CCDC97: variants seen among roughly 807,000 people sequenced by gnomAD.
The protein encoded by CCDC97 is coiled-coil domain containing 97.
Under a neutral mutation model 33.9 loss-of-function variants are expected in CCDC97, and 27 were observed. The observed-to-expected ratio is 0.80, with a 90% CI of 0.59 to 1.10. The LOEUF (loss-of-function observed/expected upper bound fraction) is 1.10, where lower values mean the gene tolerates loss of function less well. Among genes scored for constraint, CCDC97 ranks in the 50% least tolerant of loss-of-function variants. The pLI, the probability that CCDC97 is intolerant of heterozygous loss-of-function variation, is 0.00. For synonymous variants in CCDC97, 217 were observed against 194.0 expected (o/e 1.12, Z -0.99); for missense variants, 422 against 476.6 (o/e 0.89, Z 1.07).
intron 4 of CCDC97, chr19:41,320,693 A>G (rs34075897): frequency 0.2 from 105,575 of 532,078 alleles, 11,594 homozygotes; most frequent in African/African-American, 0.32. Context: ...AAGGCAGGGG[A>G]TGGACAGGGA....
rs367901995 is a variant in CCDC97, at chr19:41,319,662, G to T, written c.591G>T (p.Glu197Asp). Residue 197 changes from glutamate to aspartate, a missense_variant, in exon 3 of 5, where the codon GAG becomes GAT. Glu to Asp is a conservative substitution (Grantham distance 45). Coordinates refer to ENST00000269967, the MANE Select transcript of CCDC97 (RefSeq NM_052848.3). ...TCGGGCAGTATCTCACCCAGGAGGA[G>T]CTCAGTGCCCGCACCCCAACCCACC... ...QYIGQYLTQE[E>D]LSARTPTHQP... is the part of the protein sequence containing the mutation. 1 of 1,614,084 alleles carries T rather than the reference G, an allele frequency of 6.2e-7. No homozygotes were observed.
intron 1 of CCDC97, among the ~76,000 whole-genome samples, chr19:41,315,577 T>C (rs2037736141): frequency 6.7e-6 from 1 of 149,674 alleles, no homozygotes; most frequent in Non-Finnish European, 1.5e-5. Context: ...GCCATTGCAC[T>C]CCAGCCTGGG....
intron 1 of CCDC97, among the ~76,000 whole-genome samples, chr19:41,311,513 A>T (rs1599870851): frequency 6.6e-6 from 1 of 152,030 alleles, no homozygotes; most frequent in Admixed American, 6.6e-5. Context: ...CAGGAAGATC[A>T]CCTCAGGTCA....
At position 41,316,782 on chromosome 19, in the gene CCDC97, AC is replaced by A. The variant is rs2037753941; in HGVS notation, c.448del (p.Leu150CysfsTer16). 3.1e-6 allele frequency: 5 copies of A among 1,601,424 alleles called. No homozygotes were observed. Among genetic ancestry groups the A allele is most frequent in the South Asian group, 1.1e-5 (1 of 90,846 alleles). ...CCGGCAGGGCACTGCCCGGCCCCGC[AC>A]CCTGCGTACCCGCCTGCGTAACCGG... Reference protein sequence around the residue: ...VARQGTARPRTLRTRLRNRRY... With the variant: ...VARQGTARPRXLRTRLRNRRY... On this transcript the variant is annotated frameshift_variant, in exon 2 of 5. Transcript: ENST00000269967. LOFTEE classifies it high-confidence loss of function.
At chr19:41,320,314 C>T in intron 3 of CCDC97, 27 bp from the exon 4 acceptor site, 1 of 1,612,680 alleles carries the variant, frequency 6.2e-7, no homozygotes. Context: ...CACCCGCATT[C>T]ACACCCCCTC....
rs1203099868 is a variant in CCDC97, at chr19:41,319,816, G to A, written c.745G>A (p.Glu249Lys). The A allele has an allele frequency of 6.4e-7, 1 of 1,572,814 alleles. No individual in the cohort carries two copies. Residue 249 changes from glutamate (E) to lysine (K), a missense_variant, in exon 3 of 5, where the codon GAG (glutamate) becomes AAG (lysine). Coordinates refer to ENST00000269967, the MANE Select transcript of CCDC97 (RefSeq NM_052848.3). Reference protein sequence around the residue: ...QQQEEEEACLEEEEEEEDSDE... With the variant: ...QQQEEEEACLKEEEEEEDSDE... ...GCAGGAGGAGGAGGAGGCCTGCTTGGAGGAAGAGGAAGAGGAGGAGGACAG... is the reference window on the plus strand; with the variant it reads ...GCAGGAGGAGGAGGAGGCCTGCTTGAAGGAAGAGGAAGAGGAGGAGGACAG...
chr19:41,311,271 C>A (rs949339327), intron 1 of CCDC97, among the ~76,000 whole-genome samples: 1 of 151,902 alleles, frequency 6.6e-6, no homozygotes, highest in African/African-American at 2.4e-5. Flanking sequence ...GTAGCTAGGA[C>A]AAGCTACTCA....
chr19:41,310,596 A>G (rs1001269378), intron 1 of CCDC97: 3 of 984,792 alleles, frequency 3.0e-6, no homozygotes, highest in Non-Finnish European at 3.6e-6. Context: ...AATCCTTTCC[A>G]TGTCCCTAAT....
At position 41,316,803 on chromosome 19, in the gene CCDC97, A is replaced by C. The variant is rs1224961350; in HGVS notation, c.466A>C (p.Asn156His). The change falls in exon 2 of 5, where the codon AAC becomes CAC. Residue 156 changes from asparagine (N) to histidine (H), a missense_variant. Transcript: ENST00000269967. ...CCGCACCCTGCGTACCCGCCTGCGTAACCGGCGCTATGCTGCCCTGCGAGA... is the reference window on the plus strand; with the variant it reads ...CCGCACCCTGCGTACCCGCCTGCGTCACCGGCGCTATGCTGCCCTGCGAGA... Reference protein sequence around the residue: ...RPRTLRTRLRNRRYAALRELI... With the variant: ...RPRTLRTRLRHRRYAALRELI... 2 of 1,599,364 alleles carry C rather than the reference A, an allele frequency of 1.3e-6. No homozygotes were observed. The highest frequency in any genetic ancestry group is 2.7e-5 in the African/African-American group (2 of 74,640).
chr19:41,312,036 C>A (rs2037691787), intron 1 of CCDC97, among the ~76,000 whole-genome samples: 1 of 152,202 alleles, frequency 6.6e-6, no homozygotes, highest in Non-Finnish European at 1.5e-5. Flanking sequence ...TTAGGGTCTG[C>A]ACTGACTTCC....
In CCDC97 at chr19:41,310,192, T is replaced by C. The variant is rs774318253; in HGVS notation, c.-119T>C. On this transcript the variant is annotated 5_prime_UTR_variant, in exon 1 of 5. Transcript: ENST00000269967. Reference sequence around the variant, plus strand: ...GCCTTAGGCCCGGAACTTCGGTGCCTGGGCGCAGCGGTGCACCCGGACCCG... The same window carrying C: ...GCCTTAGGCCCGGAACTTCGGTGCCCGGGCGCAGCGGTGCACCCGGACCCG... 1.2e-4 allele frequency: 170 copies of C among 1,414,202 alleles called. No homozygotes were observed. Among genetic ancestry groups the C allele is most frequent in the Non-Finnish European group, 1.6e-4 (165 of 1,029,802 alleles). 87.6% of individuals were successfully genotyped at this position (1,414,202 alleles called of 1,614,324 possible). A position where few individuals can be genotyped will look rare whatever the true frequency, so the allele number is the denominator to read the frequency against.
rs751647855 is a variant in CCDC97 at position 41,319,763 on chromosome 19, G to A, written c.692G>A (p.Arg231Gln). 2.0e-5 allele frequency: 32 copies of A among 1,613,418 alleles called. No individual in the cohort carries two copies. The highest frequency in any genetic ancestry group is 6.7e-5 in the Admixed American group (4 of 59,980). The change falls in exon 3 of 5, where the codon CGG (arginine) becomes CAG (glutamine). Residue 231 changes from arginine to glutamine, a missense_variant. By Grantham distance (43) the Arg-to-Gln change is conservative. Coordinates refer to ENST00000269967, the MANE Select transcript of CCDC97 (RefSeq NM_052848.3). ...TTGCTGCTCCAGTCCTACGAGGAGC[G>A]GGAGCTACAGCAGCGTCTGCTCCAA... ...SNLLLQSYEE[R>Q]ELQQRLLQQQ...
chr19:41,313,290 A>G (rs1338354449), intron 1 of CCDC97, among the ~76,000 whole-genome samples: 1 of 151,986 alleles, frequency 6.6e-6, no homozygotes, highest in Non-Finnish European at 1.5e-5. Context: ...GATGACACCC[A>G]CAGCTCTGTC....
intron 1 of CCDC97, among the ~76,000 whole-genome samples, chr19:41,313,267 T>G (rs1054396584): frequency 6.6e-6 from 1 of 152,148 alleles, no homozygotes; most frequent in African/African-American, 2.4e-5. Context: ...GCTTTGGTTC[T>G]TGTCTTGATT....
chr19:41,318,342 C>T (rs1181649732), intron 2 of CCDC97, among the ~76,000 whole-genome samples: 1 of 152,174 alleles, frequency 6.6e-6, no homozygotes, highest in East Asian at 1.9e-4. Flanking sequence ...ATCCCAGCTA[C>T]TCAGGAGGCT....
At position 41,310,249 on chromosome 19, in the gene CCDC97, G is replaced by C. The variant is rs866109818; in HGVS notation, c.-62G>C. ...TCTCAGGCGAAAGTGTCTCTTGCGTGCGTGGGCCGGAGGTTAGTGTGCGGG... is the reference window on the plus strand; with the variant it reads ...TCTCAGGCGAAAGTGTCTCTTGCGTCCGTGGGCCGGAGGTTAGTGTGCGGG... On this transcript the variant is annotated 5_prime_UTR_variant, in exon 1 of 5. Transcript: ENST00000269967. 3.2e-6 allele frequency: 5 copies of C among 1,555,636 alleles called. No individual in the cohort carries two copies. In the South Asian group the frequency reaches 4.7e-5, roughly 15 times the overall value.
At chr19:41,319,507 C>G in intron 2 of CCDC97, 67 bp from the exon 3 acceptor site, 1 of 1,139,230 alleles carries the variant, frequency 8.8e-7, no homozygotes, top group Non-Finnish European at 1.3e-6. Flanking sequence ...TGATCACACA[C>G]ATACCCACAT....
At chr19:41,310,789 A>G (rs777249935) in intron 1 of CCDC97, 25 of 1,004,296 alleles carry the variant, frequency 2.5e-5, no homozygotes, top group South Asian at 4.4e-5. Flanking sequence ...GCCTCATGCA[A>G]ACTTATCCCA....
At chr19:41,317,628 C>A (rs893059740) in intron 2 of CCDC97, among the ~76,000 whole-genome samples, 1 of 150,386 alleles carries the variant, frequency 6.6e-6, no homozygotes, top group Non-Finnish European at 1.5e-5. Context: ...GGGAGAATTG[C>A]TTGAGCCTGG....
Sources: allele counts gnomAD v4.1 joint callset (sites outside exome capture counted in the v4.1 genomes callset), GRCh38; gene constraint gnomAD v4.1.1; transcripts MANE v1.5; gene names NCBI Gene and HGNC (gene_info 2026-07-23, HGNC 2026-07-21).